DYNC2H1: variants seen among roughly 807,000 people sequenced by gnomAD.
The protein encoded by DYNC2H1 is dynein cytoplasmic 2 heavy chain 1.
In DYNC2H1, 410 loss-of-function variants were observed where a neutral mutation model predicts 570.0. The observed-to-expected ratio is 0.72, with a 90% CI of 0.66 to 0.78. DYNC2H1 has a LOEUF of 0.78. Among genes scored for constraint, DYNC2H1 ranks in the 30% least tolerant of loss-of-function variants. The pLI is 0.00. For synonymous variants in DYNC2H1, 1,688 were observed against 1,677.6 expected, an observed-to-expected ratio of 1.01 and a Z score of -0.15; for missense variants, 4,865 against 5,046.4, an observed-to-expected ratio of 0.96 and a Z score of 1.09.
At chr11:103,380,594 T>A (rs541057862) in intron 83 of DYNC2H1, among the ~76,000 whole-genome samples, 1 of 152,266 alleles carries the variant, frequency 6.6e-6, no homozygotes, top group South Asian at 2.1e-4. Context: ...GGGGTCTCCC[T>A]CTGTCACCCA....
intron 55 of DYNC2H1, among the ~76,000 whole-genome samples, chr11:103,218,423 C>T (rs1863463914): frequency 6.6e-6 from 1 of 151,992 alleles, no homozygotes; most frequent in Admixed American, 6.6e-5. Flanking sequence ...TACTGGAAAA[C>T]TTTAACATAT....
At chr11:103,158,596 G>C (rs1352212376) in intron 26 of DYNC2H1, 81 bp from the exon 27 acceptor site, 11 of 1,153,436 alleles carry the variant, frequency 9.5e-6, no homozygotes, top group African/African-American at 1.6e-5. Context: ...ATTTTAAGCA[G>C]GTAAAAAAAG....
At chr11:103,379,267 A>G (rs1454596926) in intron 83 of DYNC2H1, among the ~76,000 whole-genome samples, 3 of 152,236 alleles carry the variant, frequency 2.0e-5, no homozygotes, top group African/African-American at 7.2e-5. Context: ...GATGTTTCCC[A>G]TTCCTGTTGT....
intron 17 of DYNC2H1, among the ~76,000 whole-genome samples, chr11:103,141,100 C>T (rs1565335607): frequency 6.6e-6 from 1 of 152,138 alleles, no homozygotes; most frequent in Non-Finnish European, 1.5e-5. Context: ...TCTAGTTATA[C>T]ATTCATCTAA....
chr11:103,288,684 T>TAAAAAAAAAAAAAAAAAAA lies in DYNC2H1; in HGVS notation c.11095+1087_11095+1105dup, dbSNP rs57040929. ...CTACATGGTGAAACCCCGTCTCTAC[T>TAAAAAAAAAAAAAAAAAAA]AAAAAAAAAAAAAAAAAAAAAAAAA... On this transcript the variant is annotated intron_variant, in intron 75 of 88. Coordinates refer to ENST00000375735, the MANE Select transcript of DYNC2H1 (RefSeq NM_001377.3). Among the ~76,000 whole-genome samples, 35 of 27,912 alleles carry TAAAAAAAAAAAAAAAAAAA rather than the reference T, an allele frequency of 1.3e-3. 2 individuals carry two copies. Among genetic ancestry groups the TAAAAAAAAAAAAAAAAAAA allele is most frequent in the East Asian group, 4.0e-3 (3 of 750 alleles). The allele number at this position is 27,912 out of a possible 152,430, so 18.3% of individuals were successfully genotyped here. A position where few individuals can be genotyped will look rare whatever the true frequency, so the allele number is the denominator to read the frequency against.
At chr11:103,352,451 T>C (rs1940099340) in intron 82 of DYNC2H1, among the ~76,000 whole-genome samples, 1 of 152,224 alleles carries the variant, frequency 6.6e-6, no homozygotes, top group African/African-American at 2.4e-5. Context: ...CACAGTATTT[T>C]AAATTTTTAT....
intron 83 of DYNC2H1, among the ~76,000 whole-genome samples, chr11:103,392,483 C>G (rs1942201113): frequency 6.6e-6 from 1 of 152,216 alleles, no homozygotes; most frequent in Non-Finnish European, 1.5e-5. Context: ...TCGGCTCACA[C>G]TTGGTGCGCT....
chr11:103,128,927 T>G lies in DYNC2H1; in HGVS notation c.1875T>G (p.Asn625Lys). 1 of 1,589,964 alleles carries G rather than the reference T, an allele frequency of 6.3e-7. No homozygotes were observed. Among genetic ancestry groups the G allele is most frequent in the Non-Finnish European group, 8.5e-7 (1 of 1,171,542 alleles). ...CTTTGTAGGTGGCACATTTTTATAA[T>G]TCTATTGATCAACAAATGATTCAAA... ...IILKQVAHFY[N>K]SIDQQMIQSQ... The change falls in exon 13 of 89, where the codon AAT becomes AAG. Residue 625 changes from asparagine (N) to lysine (K), a missense_variant. By Grantham distance (94) the Asn-to-Lys change is moderately conservative. This residue lies in a region of DYNC2H1 where 1,936 missense variants were observed against 1,962.1 expected (regional missense o/e 0.99). Transcript: ENST00000375735.
chr11:103,118,188 T>C (rs2134703879), intron 6 of DYNC2H1, among the ~76,000 whole-genome samples: 1 of 152,224 alleles, frequency 6.6e-6, no homozygotes, highest in Admixed American at 6.5e-5. Context: ...TTAAGTGGTA[T>C]TCAGTGGAAA....
chr11:103,357,063 G>T lies in DYNC2H1; in HGVS notation c.12040-1180G>T, dbSNP rs867530282. On this transcript the variant is annotated intron_variant, in intron 82 of 88. Coordinates refer to ENST00000375735, the MANE Select transcript of DYNC2H1 (RefSeq NM_001377.3). ...GAGATAGCACAATTTTAATATTTAG[G>T]TATAATATGAAAAACAATATATACA... is the stretch of plus-strand genomic sequence containing the variant. 3.8e-3 allele frequency among the ~76,000 whole-genome samples: 582 copies of T among 151,886 alleles called. 5 individuals are homozygous for T. Among genetic ancestry groups the T allele is most frequent in the African/African-American group, 0.013 (559 of 41,420 alleles).
chr11:103,289,412 G>T lies in DYNC2H1; in HGVS notation c.11095+1807G>T, dbSNP rs1401983420. Among the ~76,000 whole-genome samples the T allele has an allele frequency of 6.6e-6, 1 of 152,132 alleles. No individual in the cohort carries two copies. Among genetic ancestry groups the T allele is most frequent in the Non-Finnish European group, 1.5e-5 (1 of 68,022 alleles). ...AGGAATGAACAAGGTCAGCTTAAAGGCTAGAAGCAAGATGGAGTCGGTTAG... is the reference window on the plus strand; with the variant it reads ...AGGAATGAACAAGGTCAGCTTAAAGTCTAGAAGCAAGATGGAGTCGGTTAG... On this transcript the variant is annotated intron_variant, in intron 75 of 88. Transcript: ENST00000375735. The surrounding 1 kb of genome is among the most constrained non-coding windows in gnomAD (Gnocchi z 4.2).
chr11:103,118,681 A>G (rs1416182171), intron 6 of DYNC2H1, among the ~76,000 whole-genome samples: 4 of 152,184 alleles, frequency 2.6e-5, no homozygotes, highest in Admixed American at 2.0e-4. Flanking sequence ...AGAAATTTGT[A>G]AATAGTTGGT....
chr11:103,255,222 G>A (rs1387727361), intron 66 of DYNC2H1, among the ~76,000 whole-genome samples, 193 bp from the exon 67 acceptor site: 1 of 152,062 alleles, frequency 6.6e-6, no homozygotes, highest in African/African-American at 2.4e-5. Context: ...TTACTGATCA[G>A]CTTAACTGTT....
chr11:103,165,910 G>T lies in DYNC2H1; in HGVS notation c.4624G>T (p.Ala1542Ser). 1 of 1,494,528 alleles carries T rather than the reference G, an allele frequency of 6.7e-7. No individual in the cohort carries two copies. Among genetic ancestry groups the T allele is most frequent in the Non-Finnish European group, 8.9e-7 (1 of 1,122,296 alleles). The allele number at this position is 1,494,528 out of a possible 1,614,324, so 92.6% of individuals were successfully genotyped here. A position where few individuals can be genotyped will look rare whatever the true frequency, so the allele number is the denominator to read the frequency against. The change falls in exon 31 of 89, where the codon GCG (alanine) becomes TCG (serine). Residue 1542 changes from alanine to serine, a missense_variant. Ala to Ser is a moderately conservative substitution (Grantham distance 99). This residue lies in a region of DYNC2H1 where 1,936 missense variants were observed against 1,962.1 expected (regional missense o/e 0.99). Coordinates refer to ENST00000375735, the MANE Select transcript of DYNC2H1 (RefSeq NM_001377.3). ...CTTTATTCAATAGATTTTATGCTTG[G>T]CGGAGCAGATTAAATTCACTGAAGA... is the stretch of plus-strand genomic sequence containing the variant. ...SLFPSQILCL[A>S]EQIKFTEDVE...
At chr11:103,308,537 T>G (rs143399761) in intron 78 of DYNC2H1, among the ~76,000 whole-genome samples, 15 of 152,324 alleles carry the variant, frequency 9.8e-5, no homozygotes, top group African/African-American at 3.6e-4. Context: ...TGCTGCATCA[T>G]ATGGTGATTC....
At position 103,398,020 on chromosome 11, in the gene DYNC2H1, C is replaced by A. The variant is rs193244975; in HGVS notation, c.12157-1643C>A. On this transcript the variant is annotated intron_variant, in intron 83 of 88. Coordinates refer to ENST00000375735, the MANE Select transcript of DYNC2H1 (RefSeq NM_001377.3). ...CTATTAAGTGACAGTGCAAACAATGCTATCAACTTAATAAAATGGATTAAA... is the reference window on the plus strand; with the variant it reads ...CTATTAAGTGACAGTGCAAACAATGATATCAACTTAATAAAATGGATTAAA... Among the ~76,000 whole-genome samples the A allele has an allele frequency of 4.6e-5, 7 of 152,290 alleles. No homozygotes were observed. In the East Asian group the frequency reaches 1.4e-3, roughly 29 times the overall value.
intron 83 of DYNC2H1, among the ~76,000 whole-genome samples, chr11:103,370,047 C>A (rs941790623): frequency 6.6e-6 from 1 of 152,332 alleles, no homozygotes; most frequent in East Asian, 1.9e-4. Flanking sequence ...GGCTCTTAGA[C>A]GGCATTGCTG....
chr11:103,448,266 G>T (rs1944491974), intron 85 of DYNC2H1, among the ~76,000 whole-genome samples: 1 of 152,128 alleles, frequency 6.6e-6, no homozygotes, highest in Admixed American at 6.6e-5. Flanking sequence ...GTGATCATGT[G>T]TGTGTATGTT....
intron 34 of DYNC2H1, among the ~76,000 whole-genome samples, chr11:103,172,539 A>G (rs633250): frequency 0.99 from 150,729 of 152,140 alleles, 74,711 homozygotes; most frequent in African/African-American, 1. Flanking sequence ...CCCATTCATT[A>G]TTTACACATT....
Sources: gnomAD v4.1 joint callset for allele counts (sites outside exome capture counted in the v4.1 genomes callset) on GRCh38, gnomAD v4.1.1 for gene constraint, gnomAD v4.1.1 regional missense constraint, Gnocchi (gnomAD v3.1) non-coding constraint, MANE v1.5 for transcripts, NCBI Gene and HGNC (gene_info 2026-07-23, HGNC 2026-07-21) for gene names.